Variants in ITGA9 observed in about 807,000 individuals in gnomAD.
ITGA9 encodes integrin subunit alpha 9, also known as integrin alpha-9.
Under a neutral mutation model 127.8 loss-of-function variants are expected in ITGA9, and 56 were observed. The observed-to-expected ratio is 0.44, with a 90% CI of 0.35 to 0.55. The LOEUF (loss-of-function observed/expected upper bound fraction) is 0.55. ITGA9 is among the 20% of genes least tolerant of loss of function. ITGA9 has a pLI of 0.00. For synonymous variants in ITGA9, 508 were observed against 514.5 expected, an observed-to-expected ratio of 0.99 and a Z score of 0.17; for missense variants, 1,196 against 1,347.1, an observed-to-expected ratio of 0.89 and a Z score of 1.76.
chr3:37,618,806 T>C (rs1700100363), intron 15 of ITGA9, among the ~76,000 whole-genome samples: 2 of 152,214 alleles, frequency 1.3e-5, no homozygotes, highest in Admixed American at 1.3e-4. Flanking sequence ...CTAAGACTGT[T>C]GGAAAAGCGC....
At chr3:37,564,003 C>G (rs1657274043) in intron 15 of ITGA9, among the ~76,000 whole-genome samples, 1 of 152,190 alleles carries the variant, frequency 6.6e-6, no homozygotes, top group African/African-American at 2.4e-5. Context: ...TGTCAAAAAA[C>G]AAAACAAAAT....
chr3:37,614,915 G>A (rs1397726652), intron 15 of ITGA9, among the ~76,000 whole-genome samples: 2 of 152,076 alleles, frequency 1.3e-5, no homozygotes, highest in Non-Finnish European at 2.9e-5. Context: ...CTGCAAACAG[G>A]GACAATTTGA....
At chr3:37,483,233 C>T (rs1485749331) in intron 4 of ITGA9, among the ~76,000 whole-genome samples, 1 of 152,122 alleles carries the variant, frequency 6.6e-6, no homozygotes, top group Non-Finnish European at 1.5e-5. Flanking sequence ...ATATATACCA[C>T]AAGCACAAGG....
intron 26 of ITGA9, among the ~76,000 whole-genome samples, chr3:37,792,472 C>T (rs1460991400): frequency 1.3e-5 from 2 of 152,276 alleles, no homozygotes; most frequent in South Asian, 2.1e-4. Flanking sequence ...AGAAGGAATT[C>T]GCTTGCCAAG....
chr3:37,733,089 A>T (rs1287565352), intron 19 of ITGA9: 1 of 415,096 alleles, frequency 2.4e-6, no homozygotes, highest in African/African-American at 2.0e-5. Flanking sequence ...CATTTAGTTG[A>T]CCTTCCTAAA....
At chr3:37,644,174 A>G (rs1158383951) in intron 16 of ITGA9, among the ~76,000 whole-genome samples, 1 of 152,226 alleles carries the variant, frequency 6.6e-6, no homozygotes, top group Non-Finnish European at 1.5e-5. Flanking sequence ...ACCTAGTCCC[A>G]GGCAGATCCA....
At chr3:37,469,349 AT>A (rs200306372) in intron 1 of ITGA9, among the ~76,000 whole-genome samples, 3 of 151,794 alleles carry the variant, frequency 2.0e-5, no homozygotes, top group African/African-American at 7.3e-5. Context: ...CACTGCTGCT[AT>A]TTTTTTTCCT....
At chr3:37,456,641 C>T (rs1055704158) in intron 1 of ITGA9, among the ~76,000 whole-genome samples, 4 of 152,196 alleles carry the variant, frequency 2.6e-5, no homozygotes, top group Non-Finnish European at 5.9e-5. Flanking sequence ...CACATCAAGA[C>T]GGCTGTGCTT....
rs551686026 is a variant in ITGA9 at position 37,773,781 on chromosome 3, A to G, written c.2542-3611A>G. 1.8e-4 allele frequency among the ~76,000 whole-genome samples: 28 copies of G among 152,306 alleles called. No individual in the cohort carries two copies. The South Asian group carries it at 5.8e-3, about 32-fold the overall frequency. On this transcript the variant is annotated intron_variant, in intron 23 of 27. Coordinates refer to ENST00000264741, the MANE Select transcript of ITGA9 (RefSeq NM_002207.3). The stretch of plus-strand genomic sequence containing the variant: ...CAAACTGCACCCTTTAGATCTGTGG[A>G]TTTTAATGCCTGTAAATTTACCTCA...
At chr3:37,562,656 G>C (rs537892057) in intron 15 of ITGA9, among the ~76,000 whole-genome samples, 136 of 152,304 alleles carry the variant, frequency 8.9e-4, no homozygotes, top group African/African-American at 2.9e-3. Context: ...TAGCTGGCTG[G>C]ATTCTTCTGC....
At chr3:37,698,436 C>T (rs35204061) in intron 18 of ITGA9, among the ~76,000 whole-genome samples, 25,497 of 152,024 alleles carry the variant, frequency 0.17, 2,555 homozygotes, top group African/African-American at 0.27. Flanking sequence ...AATGATATTG[C>T]CTAGGTTTTC....
chr3:37,470,150 T>TTG (rs1698413797), intron 1 of ITGA9, among the ~76,000 whole-genome samples: 1 of 151,050 alleles, frequency 6.6e-6, no homozygotes, highest in African/African-American at 2.4e-5. Flanking sequence ...GTTTTTTTTT[T>TTG]TTTTTTTGAT....
In ITGA9 at chr3:37,750,555, G is replaced by A. The variant is rs779138777; in HGVS notation, c.2527G>A (p.Val843Ile). 4 of 1,608,838 alleles carry A rather than the reference G, an allele frequency of 2.5e-6. No homozygotes were observed. The highest frequency in any genetic ancestry group is 3.4e-6 in the Non-Finnish European group (4 of 1,175,184). ...LSSGGAEMFH[V>I]QEMVVGQEKG... ...ATCTGGTGGTGCAGAGATGTTTCATGTCCAGGAAATGGTGGTGAGTTCTCC... is the reference window on the plus strand; with the variant it reads ...ATCTGGTGGTGCAGAGATGTTTCATATCCAGGAAATGGTGGTGAGTTCTCC... The change falls in exon 23 of 28, where the codon GTC becomes ATC. Residue 843 changes from valine (V) to isoleucine (I), a missense_variant. Physicochemically the swap from Val to Ile is conservative, Grantham distance 29. Coordinates refer to ENST00000264741, the MANE Select transcript of ITGA9 (RefSeq NM_002207.3).
intron 15 of ITGA9, among the ~76,000 whole-genome samples, chr3:37,562,057 G>A (rs1699496284): frequency 6.6e-6 from 1 of 152,162 alleles, no homozygotes; most frequent in African/African-American, 2.4e-5. Flanking sequence ...CTGTTGTGCT[G>A]GTGGGTCTCC....
intron 18 of ITGA9, among the ~76,000 whole-genome samples, chr3:37,711,182 C>T (rs146142850): frequency 1.3e-5 from 2 of 152,118 alleles, no homozygotes; most frequent in East Asian, 1.9e-4. Context: ...GTGGAACCCT[C>T]GTCCTTCATT....
In ITGA9 at chr3:37,796,514, G is replaced by A. The variant is rs568786146; in HGVS notation, c.2890-7309G>A. ...GGATGGATGGATGAATGGATGGATG[G>A]AACGACGGACAGACGGATGGACAGA... On this transcript the variant is annotated intron_variant, in intron 26 of 27. Coordinates refer to ENST00000264741, the MANE Select transcript of ITGA9 (RefSeq NM_002207.3). Among the ~76,000 whole-genome samples the A allele has an allele frequency of 2.7e-3, 413 of 152,114 alleles. 1 individual carries two copies. The highest frequency in any genetic ancestry group is 4.6e-3 in the Non-Finnish European group (312 of 68,002).
At position 37,546,229 on chromosome 3, in the gene ITGA9, G is replaced by A. The variant is rs529635393; in HGVS notation, c.1689+3644G>A. Among the ~76,000 whole-genome samples, 6 of 152,284 alleles carry A rather than the reference G, an allele frequency of 3.9e-5. No individual in the cohort carries two copies. The East Asian group carries it at 9.7e-4, about 25-fold the overall frequency. On this transcript the variant is annotated intron_variant, in intron 15 of 27. Transcript: ENST00000264741. Reference sequence around the variant, plus strand: ...GAATTCTAGCTGGATTTCATTGTTTGTCAAAGTTGCTGATAAAGCGCCCAC... The same window carrying A: ...GAATTCTAGCTGGATTTCATTGTTTATCAAAGTTGCTGATAAAGCGCCCAC...
chr3:37,508,492 G>T, intron 7 of ITGA9, 67 bp from the exon 8 acceptor site: 1 of 1,301,870 alleles, frequency 7.7e-7, no homozygotes. Flanking sequence ...ACTCCCAGGA[G>T]AGTGCTGATA....
intron 20 of ITGA9, among the ~76,000 whole-genome samples, chr3:37,741,138 C>A (rs1408131811): frequency 6.6e-6 from 1 of 152,192 alleles, no homozygotes; most frequent in Admixed American, 6.5e-5. Context: ...CTGCCCATAA[C>A]CCCTCAGCCC....
Sources: allele counts gnomAD v4.1 joint callset (sites outside exome capture counted in the v4.1 genomes callset), GRCh38; gene constraint gnomAD v4.1.1; transcripts MANE v1.5; gene names NCBI Gene and HGNC (gene_info 2026-07-23, HGNC 2026-07-21).